HOXB3: variants seen among roughly 807,000 people sequenced by gnomAD.
HOXB3 encodes homeobox protein Hox-B3.
In HOXB3, 17 loss-of-function variants were observed where a neutral mutation model predicts 29.2. The observed-to-expected ratio is 0.58, with a 90% CI of 0.40 to 0.87. The LOEUF is 0.87. Among genes scored for constraint, HOXB3 ranks in the 40% least tolerant of loss-of-function variants. The pLI, the probability that HOXB3 is intolerant of heterozygous loss-of-function variation, is 0.00. For missense variants in HOXB3, 637 were observed against 616.3 expected (o/e 1.03, Z -0.35); for synonymous variants, 317 against 285.9 (o/e 1.11, Z -1.10).
intron 1 of HOXB3, among the ~76,000 whole-genome samples, chr17:48,587,846 C>T (rs757786123): frequency 3.3e-5 from 5 of 152,204 alleles, no homozygotes; most frequent in Non-Finnish European, 4.4e-5. Context: ...AATTGTCCAC[C>T]GAGTGGTGGC....
chr17:48,576,441 C>T (rs2069764654), intron 1 of HOXB3: 1 of 348,730 alleles, frequency 2.9e-6, no homozygotes, highest in South Asian at 1.1e-4. Context: ...CTTTTTCTTT[C>T]TTCCTTCTTC....
intron 2 of HOXB3, among the ~76,000 whole-genome samples, chr17:48,562,922 A>C (rs1356854666): frequency 1.3e-5 from 2 of 151,848 alleles, no homozygotes; most frequent in East Asian, 3.9e-4. Context: ...TGGCTCCCTT[A>C]CTCTGCTCGT....
At chr17:48,578,171 G>A (rs372278663) in intron 1 of HOXB3, 25 of 1,609,222 alleles carry the variant, frequency 1.6e-5, no homozygotes, top group East Asian at 2.2e-5. Flanking sequence ...GCCCGCCTCC[G>A]GCTGGAAGCT....
intron 1 of HOXB3, chr17:48,575,056 G>A (rs1173189321): frequency 1.3e-5 from 2 of 152,354 alleles, no homozygotes; most frequent in East Asian, 3.9e-4. Flanking sequence ...CTTATGCTGC[G>A]AGGAAAGAGG....
At chr17:48,576,652 C>CCCCCCCCCCCT in intron 1 of HOXB3, 2 of 576,244 alleles carry the variant, frequency 3.5e-6, no homozygotes, top group East Asian at 5.0e-5. Flanking sequence ...CCCTCCTGTC[C>CCCCCCCCCCCT]CCCCACCCCA....
chr17:48,582,632 G>A (rs78083902), intron 1 of HOXB3: 1 of 152,272 alleles, frequency 6.6e-6, no homozygotes, highest in East Asian at 1.9e-4. Context: ...TAATATGCTC[G>A]CGCAGTTCGC....
intron 1 of HOXB3, among the ~76,000 whole-genome samples, chr17:48,588,868 G>A (rs1276860438): frequency 6.6e-6 from 1 of 152,184 alleles, no homozygotes; most frequent in African/African-American, 2.4e-5. Flanking sequence ...GTCCCTTAAT[G>A]AGAAAAAGGG....
intron 1 of HOXB3, chr17:48,575,526 A>G (rs995573481): frequency 6.6e-6 from 1 of 152,388 alleles, no homozygotes; most frequent in African/African-American, 2.4e-5. Flanking sequence ...CAAGAAACCA[A>G]ACATTTATTT....
chr17:48,551,986 TCCGA>T (rs777679239), intron 4 of HOXB3, 37 bp downstream of exon 4: 1 of 1,515,112 alleles, frequency 6.6e-7, no homozygotes, highest in Non-Finnish European at 8.9e-7. Context: ...CATTCCTGGC[TCCGA>T]CAAAAGCTGA....
chr17:48,576,713 G>GC lies in HOXB3; in HGVS notation c.-424-2700dup, dbSNP rs764708289. The GC allele has an allele frequency of 8.8e-6, 14 of 1,585,084 alleles. No individual in the cohort carries two copies. The South Asian group carries it at 1.6e-4, about 18-fold the overall frequency. On this transcript the variant is annotated intron_variant, in intron 1 of 4. Coordinates refer to ENST00000498678, the MANE Select transcript of HOXB3 (RefSeq NM_001384749.1). ...ACCCCGAGGTTCGTGGCTCCCGCGTGCGGGGGCACTAGAGCGCGCGGGGGC... is the reference window on the plus strand; with the variant it reads ...ACCCCGAGGTTCGTGGCTCCCGCGTGCCGGGGGCACTAGAGCGCGCGGGGGC...
At position 48,555,630 on chromosome 17, in the gene HOXB3, AG is replaced by A. The variant is rs1206273348; in HGVS notation, c.-246-13del. ...ACAAATCTCCCCTCCTTGAAGGCAA[AG>A]GAAAAAAAGACCACTGTTTAAAGCT... On this transcript the variant is annotated splice_polypyrimidine_tract_variant and intron_variant, in intron 2 of 4. Coordinates refer to ENST00000498678, the MANE Select transcript of HOXB3 (RefSeq NM_001384749.1). 1.4e-6 allele frequency: 1 copy of A among 702,552 alleles called. No individual in the cohort carries two copies. Among genetic ancestry groups the A allele is most frequent in the Non-Finnish European group, 2.6e-6 (1 of 384,788 alleles). The allele number at this position is 702,552 out of a possible 1,614,324, so 43.5% of individuals were successfully genotyped here.
At chr17:48,556,558 A>G (rs900819538) in intron 2 of HOXB3, 16 of 151,736 alleles carry the variant, frequency 1.1e-4, no homozygotes, top group African/African-American at 3.9e-4. Context: ...CTTAAAAAAA[A>G]AAAAAAAAAA....
intron 1 of HOXB3, among the ~76,000 whole-genome samples, chr17:48,589,194 AAGAGGGAAAAAG>A (rs1227618066): frequency 2.0e-5 from 3 of 152,204 alleles, no homozygotes; most frequent in African/African-American, 7.2e-5. Flanking sequence ...CCCAGAAAAG[AAGAGGGAAAAAG>A]AGAGGAAAAA....
At chr17:48,587,184 G>C (rs1181360490) in intron 1 of HOXB3, among the ~76,000 whole-genome samples, 1 of 152,112 alleles carries the variant, frequency 6.6e-6, no homozygotes, top group Non-Finnish European at 1.5e-5. Flanking sequence ...GAGTCCCTTA[G>C]GGAGAAATAT....
intron 2 of HOXB3, 90 bp from the exon 3 acceptor site, chr17:48,555,708 G>GAGCCCCCC: frequency 1.5e-6 from 1 of 682,440 alleles, no homozygotes; most frequent in Non-Finnish European, 2.7e-6. Context: ...CCCGGCTGGG[G>GAGCCCCCC]AGCCCGAGGG....
chr17:48,589,230 T>A (rs2070102371), intron 1 of HOXB3, among the ~76,000 whole-genome samples: 1 of 152,152 alleles, frequency 6.6e-6, no homozygotes, highest in Non-Finnish European at 1.5e-5. Flanking sequence ...GCACCTTTCC[T>A]ATTTTCTCTT....
chr17:48,576,656 C>G, intron 1 of HOXB3: 1 of 674,164 alleles, frequency 1.5e-6, no homozygotes, highest in Non-Finnish European at 2.1e-6. Flanking sequence ...CCTGTCCCCC[C>G]ACCCCATCCC....
At chr17:48,581,015 C>T (rs1193240808) in intron 1 of HOXB3, 1 of 152,260 alleles carries the variant, frequency 6.6e-6, no homozygotes, top group Non-Finnish European at 1.5e-5. Flanking sequence ...AGACTCCCTA[C>T]TCAACTCCCT....
At chr17:48,566,102 T>A (rs377658926) in intron 2 of HOXB3, among the ~76,000 whole-genome samples, 16 of 152,170 alleles carry the variant, frequency 1.1e-4, no homozygotes, top group African/African-American at 3.9e-4. Flanking sequence ...TAGAGCTCTG[T>A]CTACCAGATG....
Sources: gnomAD v4.1 joint callset for allele counts (sites outside exome capture counted in the v4.1 genomes callset) on GRCh38, gnomAD v4.1.1 for gene constraint, MANE v1.5 for transcripts, NCBI Gene and HGNC (gene_info 2026-07-23, HGNC 2026-07-21) for gene names.